Variants in CPNE2 observed in about 807,000 individuals in gnomAD.
CPNE2 encodes copine 2.
In CPNE2, 42 loss-of-function variants were observed where a neutral mutation model predicts 69.7. The observed-to-expected ratio is 0.60, with a 90% confidence interval of 0.47 to 0.78. CPNE2 has a LOEUF of 0.78. Ranked by LOEUF, CPNE2 falls within the 30% of genes least tolerant of loss-of-function variation. CPNE2 has a pLI of 0.00. For synonymous variants in CPNE2, 294 were observed against 289.8 expected, an observed-to-expected ratio of 1.01 and a Z score of -0.15; for missense variants, 587 against 732.0, an observed-to-expected ratio of 0.80 and a Z score of 2.29.
chr16:57,142,229 C>G (rs180696839), intron 14 of CPNE2: 1 of 152,272 alleles, frequency 6.6e-6, no homozygotes, highest in East Asian at 1.9e-4. Context: ...AAGCCTGAGG[C>G]GATGGAAGCA....
Position 57,118,081 on chromosome 16 carries a change from C to T in CPNE2, c.507+514C>T, listed in dbSNP as rs911746684. Among the ~76,000 whole-genome samples, 5 of 152,288 alleles carry T rather than the reference C, an allele frequency of 3.3e-5. No homozygotes were observed. The East Asian group carries it at 7.7e-4, about 23-fold the overall frequency. On this transcript the variant is annotated intron_variant, in intron 5 of 15. Transcript: ENST00000290776. The stretch of plus-strand genomic sequence containing the variant: ...CTTTGCTCCCACATCACCTCCTCAA[C>T]GAGGCCTTCCCTGAAATTGGTCTTC...
rs1361867848 is a variant in CPNE2, at chr16:57,146,677, T to C, written c.1539+356T>C. 2 of 213,680 alleles carry C rather than the reference T, an allele frequency of 9.4e-6. No homozygotes were observed. Among genetic ancestry groups the C allele is most frequent in the East Asian group, 2.5e-4 (2 of 7,920 alleles). 13.2% of individuals were successfully genotyped at this position (213,680 alleles called of 1,614,324 possible). On this transcript the variant is annotated intron_variant, in intron 15 of 15. Coordinates refer to ENST00000290776, the MANE Select transcript of CPNE2 (RefSeq NM_152727.6). This position sits in a 1 kb window ranked among gnomAD's most constrained non-coding sequence, Gnocchi z 4.4. ...GTGCAGGAGGAGAGAGGGGTTTTCC[T>C]GATCATCACGCCCCAGCAAGCCCCC...
At chr16:57,120,762 A>C (rs937888295) in intron 7 of CPNE2, among the ~76,000 whole-genome samples, 7 of 152,302 alleles carry the variant, frequency 4.6e-5, no homozygotes, top group Admixed American at 1.3e-4. Flanking sequence ...CTCAGAAAAA[A>C]ATATGTCTAG....
chr16:57,132,898 G>A (rs1212839485), intron 12 of CPNE2, among the ~76,000 whole-genome samples: 1 of 152,082 alleles, frequency 6.6e-6, no homozygotes, highest in Non-Finnish European at 1.5e-5. Flanking sequence ...CAGCCCCCCT[G>A]ACCGCAAGGC....
intron 6 of CPNE2, 35 bp downstream of exon 6, chr16:57,119,313 T>C: frequency 6.3e-7 from 1 of 1,598,838 alleles, no homozygotes; most frequent in Non-Finnish European, 8.6e-7. Flanking sequence ...CTCTAAGCAG[T>C]GGGCCTGCAG....
chr16:57,146,264 G>A lies in CPNE2; in HGVS notation c.1482G>A (p.Thr494=), dbSNP rs751637685. 6.4e-6 allele frequency: 10 copies of A among 1,557,046 alleles called. No homozygotes were observed. In the East Asian group the frequency reaches 7.2e-5, roughly 11 times the overall value. The part of the protein sequence containing the change: ...DGDSRMLRSH[T]GEEAARDIVQ... ...ACAGCCGCATGCTGCGCTCCCACAC[G>A]GGGGAGGAGGCAGCCCGCGATATTG... The change falls in exon 15 of 16, where the codon ACG becomes ACA. Residue 494 remains threonine (T), a synonymous_variant. Transcript: ENST00000290776. This position sits in a 1 kb window ranked among gnomAD's most constrained non-coding sequence, Gnocchi z 4.4.
At chr16:57,123,391 C>G (rs775851863) in intron 9 of CPNE2, 23 bp from the exon 10 acceptor site, 1 of 1,611,578 alleles carries the variant, frequency 6.2e-7, no homozygotes, top group Non-Finnish European at 8.5e-7. Context: ...AGGGGACCCA[C>G]TGACTCATCC....
chr16:57,119,735 AAAGCTCTTTC>A, intron 7 of CPNE2, 85 bp downstream of exon 7: 1 of 892,308 alleles, frequency 1.1e-6, no homozygotes, highest in African/African-American at 1.7e-5. Context: ...TGCCTTGTAG[AAAGCTCTTTC>A]TCATACAAGT....
At chr16:57,097,221 C>T (rs1372855856) in intron 1 of CPNE2, among the ~76,000 whole-genome samples, 1 of 152,128 alleles carries the variant, frequency 6.6e-6, no homozygotes, top group Non-Finnish European at 1.5e-5. Flanking sequence ...TGACATTTTC[C>T]ACTCTCTGAG....
chr16:57,102,800 C>T (rs1431514381), intron 1 of CPNE2, among the ~76,000 whole-genome samples: 1 of 151,982 alleles, frequency 6.6e-6, no homozygotes, highest in East Asian at 1.9e-4. Context: ...TGGGGTTTCA[C>T]CTTGTTGGCC....
chr16:57,140,114 G>A (rs1357637128), intron 14 of CPNE2, among the ~76,000 whole-genome samples: 2 of 151,964 alleles, frequency 1.3e-5, no homozygotes, highest in Non-Finnish European at 2.9e-5. Flanking sequence ...CTGGCAACCC[G>A]GAGCCTGGGG....
Position 57,146,572 on chromosome 16 carries a change from G to A in CPNE2, c.1539+251G>A, listed in dbSNP as rs2069960276. 4.0e-6 allele frequency: 2 copies of A among 499,422 alleles called. No individual in the cohort carries two copies. The highest frequency in any genetic ancestry group is 3.6e-5 in the Admixed American group (1 of 27,770). The allele number at this position is 499,422 out of a possible 1,614,324, so 30.9% of individuals were successfully genotyped here. ...ATGGAGCCGTGGGCATCTAGCCTGAGGCTCTGGGGCAGGGCTTCCTGGAGG... is the reference window on the plus strand; with the variant it reads ...ATGGAGCCGTGGGCATCTAGCCTGAAGCTCTGGGGCAGGGCTTCCTGGAGG... On this transcript the variant is annotated intron_variant, in intron 15 of 15. Coordinates refer to ENST00000290776, the MANE Select transcript of CPNE2 (RefSeq NM_152727.6). This position sits in a 1 kb window ranked among gnomAD's most constrained non-coding sequence, Gnocchi z 4.4.
intron 10 of CPNE2, 94 bp downstream of exon 10, chr16:57,123,567 G>A (rs2069778995): frequency 7.3e-7 from 1 of 1,375,978 alleles, no homozygotes; most frequent in African/African-American, 1.4e-5. Flanking sequence ...AGGGACTTAG[G>A]GTAGACTTCA....
chr16:57,127,802 G>A (rs977886889), intron 11 of CPNE2, 47 bp from the exon 12 acceptor site: 14 of 1,592,230 alleles, frequency 8.8e-6, no homozygotes, highest in Non-Finnish European at 1.2e-5. Flanking sequence ...GGGTCGGGTG[G>A]TGTCCTCAGG....
intron 7 of CPNE2, 43 bp from the exon 8 acceptor site, chr16:57,121,050 C>G: frequency 6.6e-7 from 1 of 1,514,316 alleles, no homozygotes; most frequent in Non-Finnish European, 9.1e-7. Context: ...GAGAGCACCT[C>G]TTGGGGGACA....
intron 5 of CPNE2, among the ~76,000 whole-genome samples, chr16:57,118,381 G>C (rs1172288929): frequency 6.7e-6 from 1 of 149,492 alleles, no homozygotes; most frequent in African/African-American, 2.5e-5. Flanking sequence ...CACTATGATA[G>C]CCAGGATGGT....
chr16:57,115,452 C>A (rs371227636), intron 3 of CPNE2, 24 bp from the exon 4 acceptor site: 6 of 1,580,470 alleles, frequency 3.8e-6, no homozygotes, highest in South Asian at 1.1e-5. Flanking sequence ...CCTCACTGAG[C>A]GCCCTTTCTC....
chr16:57,098,861 CT>C (rs2069595164), intron 1 of CPNE2, among the ~76,000 whole-genome samples: 1 of 152,196 alleles, frequency 6.6e-6, no homozygotes, highest in Non-Finnish European at 1.5e-5. Flanking sequence ...TTACAGTATG[CT>C]GATATTGTAA....
intron 9 of CPNE2, among the ~76,000 whole-genome samples, chr16:57,122,226 G>C (rs778762037): frequency 6.6e-6 from 1 of 152,198 alleles, no homozygotes; most frequent in Non-Finnish European, 1.5e-5. Context: ...GCTGTGGGTG[G>C]GGGCCAGAAG....
Sources: gnomAD v4.1 joint callset for allele counts (sites outside exome capture counted in the v4.1 genomes callset) on GRCh38, gnomAD v4.1.1 for gene constraint, Gnocchi (gnomAD v3.1) non-coding constraint, MANE v1.5 for transcripts, NCBI Gene and HGNC (gene_info 2026-07-23, HGNC 2026-07-21) for gene names.